The following ABHD5 variants were observed in gnomAD, a reference collection of about 807,000 sequenced individuals.
The protein encoded by ABHD5 is 1-acylglycerol-3-phosphate O-acyltransferase ABHD5.
ABHD5 carries 30 observed loss-of-function variants against 44.9 expected under a neutral mutation model. The ratio of observed to expected loss-of-function variants is 0.67; its 90% confidence interval spans 0.50 to 0.91. ABHD5 has a LOEUF of 0.91. Ranked by LOEUF, ABHD5 falls within the 40% of genes least tolerant of loss-of-function variation. The probability of loss-of-function intolerance (pLI) is 0.00; values close to 1 mark genes in which losing one functional copy is unlikely to be tolerated. For missense variants in ABHD5, 399 were observed against 423.4 expected (o/e 0.94, Z 0.50); for synonymous variants, 167 against 147.0 (o/e 1.14, Z -0.99).
chr3:43,718,477 ATCAACCAGAAGAAT>A lies in ABHD5; in HGVS notation c.1006_1019del (p.Glu336SerfsTer16). The A allele has an allele frequency of 1.9e-6, 3 of 1,614,146 alleles. No homozygotes were observed. The highest frequency in any genetic ancestry group is 2.5e-6 in the Non-Finnish European group (3 of 1,180,016). On this transcript the variant is annotated frameshift_variant, in exon 7 of 7. Transcript: ENST00000644371. LOFTEE classifies it high-confidence loss of function. ...GGGGCAGGACATTATGTATATGCAGATCAACCAGAAGAATTCAACCAGAAAGTAAAGGAGATCTG... is the reference window on the plus strand; with the variant it reads ...GGGGCAGGACATTATGTATATGCAGATCAACCAGAAAGTAAAGGAGATCTG...
In ABHD5 at chr3:43,702,295, A is replaced by T. The variant is rs549346750; in HGVS notation, c.214A>T (p.Ile72Phe). The T allele has an allele frequency of 6.2e-7, 1 of 1,605,682 alleles. No homozygotes were observed. The highest frequency in any genetic ancestry group is 2.2e-5 in the East Asian group (1 of 44,696). The change falls in exon 3 of 7, where the codon ATT becomes TTT. Residue 72 changes from isoleucine to phenylalanine, a missense_variant. Transcript: ENST00000644371. ...KIWTLKFSHN[I>F]SNKTPLVLLH... ...ATGGACACTGAAGTTCTCTCATAAT[A>T]TTTCAAATAAGACTCCACTTGTCCT...
intron 2 of ABHD5, among the ~76,000 whole-genome samples, chr3:43,700,867 C>A (rs1177414794): frequency 1.3e-5 from 2 of 152,136 alleles, no homozygotes; most frequent in African/African-American, 4.8e-5. Flanking sequence ...AGCTACCACG[C>A]CCAGTTATTA....
chr3:43,728,389 A>G (rs188501504), intron 7 of ABHD5, among the ~76,000 whole-genome samples: 26 of 152,372 alleles, frequency 1.7e-4, no homozygotes, highest in Middle Eastern at 3.4e-3. Flanking sequence ...CAAGTCAGCA[A>G]CAATCTTGAG....
chr3:43,694,857 T>G (rs963342106), intron 1 of ABHD5: 1 of 152,152 alleles, frequency 6.6e-6, no homozygotes, highest in East Asian at 1.9e-4. Flanking sequence ...TCACTTAAAT[T>G]GTAGCTGTAT....
chr3:43,716,014 GA>G (rs1443517789), intron 5 of ABHD5, among the ~76,000 whole-genome samples: 2 of 152,320 alleles, frequency 1.3e-5, no homozygotes, highest in East Asian at 3.9e-4. Context: ...ACAGTGATTA[GA>G]AGGAGAGAGA....
chr3:43,697,708 A>T (rs1241003647), intron 1 of ABHD5, among the ~76,000 whole-genome samples: 1 of 152,218 alleles, frequency 6.6e-6, no homozygotes, highest in Admixed American at 6.5e-5. Flanking sequence ...AAAAGAAAAG[A>T]TGGGATGGAG....
At chr3:43,693,599 T>C (rs1229566732) in intron 1 of ABHD5, among the ~76,000 whole-genome samples, 1 of 152,216 alleles carries the variant, frequency 6.6e-6, no homozygotes, top group East Asian at 1.9e-4. Context: ...CTAGTTTTTT[T>C]CAGTACTTCT....
intron 7 of ABHD5, among the ~76,000 whole-genome samples, chr3:43,729,759 A>G (rs1331650635): frequency 1.3e-5 from 2 of 152,234 alleles, no homozygotes; most frequent in Non-Finnish European, 2.9e-5. Context: ...GCTCTATGAT[A>G]GAAGGTGCTC....
chr3:43,732,301 G>A (rs879227182), intron 7 of ABHD5, among the ~76,000 whole-genome samples: 2 of 151,852 alleles, frequency 1.3e-5, no homozygotes, highest in South Asian at 2.1e-4. Context: ...AGGGTGGCAC[G>A]TGCCTGTAAT....
In ABHD5 at chr3:43,718,520, C is replaced by T. The variant is rs368305449; in HGVS notation, c.1038C>T (p.Asp346=). Residue 346 remains aspartate (D), a synonymous_variant, in exon 7 of 7, where the codon GAC becomes GAT. Coordinates refer to ENST00000644371, the MANE Select transcript of ABHD5 (RefSeq NM_016006.6). ...EFNQKVKEIC[D]TVD ...ACCAGAAAGTAAAGGAGATCTGCGACACTGTGGACTGAACACACTGAAGCT... is the reference window on the plus strand; with the variant it reads ...ACCAGAAAGTAAAGGAGATCTGCGATACTGTGGACTGAACACACTGAAGCT... 25 of 1,613,946 alleles carry T rather than the reference C, an allele frequency of 1.5e-5. No individual in the cohort carries two copies. The highest frequency in any genetic ancestry group is 2.1e-5 in the Non-Finnish European group (25 of 1,179,950).
chr3:43,700,105 C>G (rs964443865), intron 2 of ABHD5, among the ~76,000 whole-genome samples: 3 of 152,150 alleles, frequency 2.0e-5, no homozygotes, highest in African/African-American at 7.2e-5. Flanking sequence ...AGATCTGCCA[C>G]TAGGTGGTTA....
chr3:43,717,565 T>C lies in ABHD5; in HGVS notation c.774-106T>C, dbSNP rs9831127. The stretch of plus-strand genomic sequence containing the variant: ...TTTCTATTTAAGCTGAGGTTTTTCT[T>C]AGGTGCTGGAAAAGCTAAATATGAA... On this transcript the variant is annotated intron_variant, in intron 5 of 6. Transcript: ENST00000644371. 2,409 of 1,171,932 alleles carry C rather than the reference T, an allele frequency of 2.1e-3. 34 individuals carry two copies. In the African/African-American group the frequency reaches 0.029, roughly 14 times the overall value. 72.6% of individuals were successfully genotyped at this position (1,171,932 alleles called of 1,614,324 possible).
At chr3:43,711,492 A>G (rs1210551299) in intron 3 of ABHD5, among the ~76,000 whole-genome samples, 1 of 151,574 alleles carries the variant, frequency 6.6e-6, no homozygotes, top group African/African-American at 2.4e-5. Context: ...ATATATTAAA[A>G]ATAAAGCCCT....
At chr3:43,693,071 A>G (rs1304117646) in intron 1 of ABHD5, among the ~76,000 whole-genome samples, 1 of 152,326 alleles carries the variant, frequency 6.6e-6, no homozygotes, top group Non-Finnish European at 1.5e-5. Context: ...GAGAAAGCTA[A>G]ATGTAATGAG....
chr3:43,715,147 T>A (rs1014965638), intron 5 of ABHD5, 89 bp downstream of exon 5: 50 of 897,302 alleles, frequency 5.6e-5, no homozygotes, highest in East Asian at 1.4e-4. Context: ...CTATTTTTTT[T>A]AAAACTATTT....
chr3:43,715,547 T>C (rs1202298337), intron 5 of ABHD5, among the ~76,000 whole-genome samples: 1 of 152,176 alleles, frequency 6.6e-6, no homozygotes, highest in Non-Finnish European at 1.5e-5. Context: ...CTAATACATT[T>C]TATTTTACTC....
At chr3:43,704,688 G>A (rs1194173166) in intron 3 of ABHD5, among the ~76,000 whole-genome samples, 8 of 152,154 alleles carry the variant, frequency 5.3e-5, no homozygotes, top group Non-Finnish European at 1.2e-4. Flanking sequence ...ATTCAGAAGG[G>A]AATCAACACT....
rs1333860224 is a variant in ABHD5 at position 43,721,108 on chromosome 3, A to T, written c.*2576A>T. Reference sequence around the variant, plus strand: ...AGAAAAGAACAATGTGGAAGGAGGGATAACCCTATTAAATATTATAACATA... The same window carrying T: ...AGAAAAGAACAATGTGGAAGGAGGGTTAACCCTATTAAATATTATAACATA... On this transcript the variant is annotated 3_prime_UTR_variant, in exon 7 of 7. Transcript: ENST00000644371. 1 of 152,158 alleles carries T rather than the reference A, an allele frequency of 6.6e-6. No homozygotes were observed. The highest frequency in any genetic ancestry group is 1.9e-4 in the East Asian group (1 of 5,198). 9.4% of individuals were successfully genotyped at this position (152,158 alleles called of 1,614,324 possible).
At position 43,718,732 on chromosome 3, in the gene ABHD5, T is replaced by C; in HGVS notation, c.*200T>C. On this transcript the variant is annotated 3_prime_UTR_variant, in exon 7 of 7. Coordinates refer to ENST00000644371, the MANE Select transcript of ABHD5 (RefSeq NM_016006.6). Reference sequence around the variant, plus strand: ...CTAGAAGAATGGCTTTCCTTTCTCCTACACAAAATTGAAATATACAAGTCT... The same window carrying C: ...CTAGAAGAATGGCTTTCCTTTCTCCCACACAAAATTGAAATATACAAGTCT... The C allele has an allele frequency of 5.2e-6, 3 of 578,118 alleles. No homozygotes were observed. In the South Asian group the frequency reaches 6.3e-5, roughly 12 times the overall value. The allele number at this position is 578,118 out of a possible 1,614,324, so 35.8% of individuals were successfully genotyped here.
Sources: gnomAD v4.1 joint callset for allele counts (sites outside exome capture counted in the v4.1 genomes callset) on GRCh38, gnomAD v4.1.1 for gene constraint, MANE v1.5 for transcripts, NCBI Gene and HGNC (gene_info 2026-07-23, HGNC 2026-07-21) for gene names.